Variants in AP1B1 observed in about 807,000 individuals in gnomAD.
AP1B1 encodes AP-1 complex subunit beta-1.
AP1B1 carries 36 observed loss-of-function variants against 104.3 expected under a neutral mutation model. The observed-to-expected ratio is 0.35, with a 90% CI of 0.26 to 0.46. AP1B1 has a LOEUF of 0.46. AP1B1 is among the 20% of genes least tolerant of loss of function. AP1B1 has a pLI of 1.00. For missense variants in AP1B1, 901 were observed against 1,247.9 expected (o/e 0.72, Z 4.19); for synonymous variants, 504 against 517.5 (o/e 0.97, Z 0.35).
intron 8 of AP1B1, 190 bp downstream of exon 8, chr22:29,351,515 A>T: frequency 1.1e-6 from 1 of 881,120 alleles, no homozygotes; most frequent in Non-Finnish European, 1.7e-6. Context: ...GATAACATGG[A>T]GAAACATTCT....
intron 11 of AP1B1, among the ~76,000 whole-genome samples, chr22:29,348,192 T>C (rs906478322): frequency 6.6e-6 from 1 of 152,380 alleles, no homozygotes; most frequent in Non-Finnish European, 1.5e-5. Context: ...TCAAGACTCA[T>C]GGTGCCTTTG....
rs2061684877 is a variant in AP1B1 at position 29,339,606 on chromosome 22, C to A, written c.2019+148G>T. 3 of 820,540 alleles carry A rather than the reference C, an allele frequency of 3.7e-6. No homozygotes were observed. The South Asian group carries it at 5.0e-5, about 14-fold the overall frequency. The allele number at this position is 820,540 out of a possible 1,614,324, so 50.8% of individuals were successfully genotyped here. A position where few individuals can be genotyped will look rare whatever the true frequency, so the allele number is the denominator to read the frequency against. ...GCAGCCGGATGCCAGGTGGTCAAGA[C>A]AGAGGCTGCCAGGATGCTGGACCAA... On this transcript the variant is annotated intron_variant, in intron 15 of 22. Transcript: ENST00000357586.
At chr22:29,381,390 A>G (rs1418958619) in intron 1 of AP1B1, among the ~76,000 whole-genome samples, 1 of 152,134 alleles carries the variant, frequency 6.6e-6, no homozygotes, top group African/African-American at 2.4e-5. Context: ...TTTGTTCACT[A>G]TCATATTCCT....
intron 11 of AP1B1, among the ~76,000 whole-genome samples, chr22:29,345,672 C>T (rs1281615116): frequency 1.3e-5 from 2 of 151,214 alleles, no homozygotes; most frequent in Non-Finnish European, 2.9e-5. Flanking sequence ...ACCCAGTTAA[C>T]AAGTTTTGTT....
At chr22:29,332,195 G>C in intron 17 of AP1B1, 1 of 335,170 alleles carries the variant, frequency 3.0e-6, no homozygotes, top group Non-Finnish European at 5.5e-6. Context: ...CTCTGGGCCA[G>C]GCACTGGTGG....
chr22:29,341,710 C>T lies in AP1B1; in HGVS notation c.1587G>A (p.Leu529=). 1 of 1,613,990 alleles carries T rather than the reference C, an allele frequency of 6.2e-7. No individual in the cohort carries two copies. Among genetic ancestry groups the T allele is most frequent in the East Asian group, 2.2e-5 (1 of 44,878 alleles). ...TGGCTGCCACCGGGTCCGTGGACAGCAGGCGCCAGTAGATGTAGCCACGGT... is the reference window on the plus strand; with the variant it reads ...TGGCTGCCACCGGGTCCGTGGACAGTAGGCGCCAGTAGATGTAGCCACGGT... ...LRDRGYIYWR[L]LSTDPVAAKE... is the part of the protein sequence containing the mutation. Residue 529 remains leucine, a synonymous_variant, in exon 13 of 23, where the codon CTG becomes CTA. Transcript: ENST00000357586.
At position 29,356,620 on chromosome 22, in the gene AP1B1, G is replaced by A. The variant is rs373388539; in HGVS notation, c.526-4C>T. On this transcript the variant is annotated splice_region_variant and splice_polypyrimidine_tract_variant and intron_variant, in intron 5 of 22. Transcript: ENST00000357586. ...CTGCCACTGCATTGGCCACCACCTGGTTGAGAGGGTGGGAGGGGCAGAGGC... is the reference window on the plus strand; with the variant it reads ...CTGCCACTGCATTGGCCACCACCTGATTGAGAGGGTGGGAGGGGCAGAGGC... 4.3e-6 allele frequency: 7 copies of A among 1,613,400 alleles called. No homozygotes were observed. In the African/African-American group the frequency reaches 8.0e-5, roughly 18 times the overall value.
intron 3 of AP1B1, among the ~76,000 whole-genome samples, chr22:29,360,587 C>CT (rs1261837950): frequency 6.6e-6 from 1 of 152,176 alleles, no homozygotes; most frequent in Admixed American, 6.5e-5. Flanking sequence ...ATACACCAGG[C>CT]TTGGTGCTAA....
At chr22:29,336,834 C>G (rs1243562119) in intron 16 of AP1B1, among the ~76,000 whole-genome samples, 2 of 150,962 alleles carry the variant, frequency 1.3e-5, no homozygotes, top group Non-Finnish European at 3.0e-5. Flanking sequence ...GATGAACACA[C>G]AAGCCTAGTG....
intron 16 of AP1B1, 74 bp from the exon 17 acceptor site, chr22:29,334,484 G>C (rs1256150734): frequency 6.7e-6 from 10 of 1,496,410 alleles, no homozygotes; most frequent in African/African-American, 1.4e-5. Flanking sequence ...CCCACCTGAG[G>C]GTGCTTTTTC....
intron 1 of AP1B1, among the ~76,000 whole-genome samples, chr22:29,369,880 C>G (rs1442722478): frequency 9.2e-6 from 1 of 108,328 alleles, no homozygotes; most frequent in Non-Finnish European, 1.9e-5. Context: ...AAGCCATTTT[C>G]TCAAAGAAAC....
chr22:29,348,125 G>C (rs2061819754), intron 11 of AP1B1, among the ~76,000 whole-genome samples: 2 of 151,984 alleles, frequency 1.3e-5, no homozygotes, highest in African/African-American at 4.8e-5. Context: ...CTCACTACTT[G>C]AGCAATCCAT....
At chr22:29,356,726 G>T in intron 5 of AP1B1, 110 bp from the exon 6 acceptor site, 1 of 1,054,632 alleles carries the variant, frequency 9.5e-7, no homozygotes, top group Non-Finnish European at 1.4e-6. Context: ...AAAGGAATAT[G>T]ACCCAATGGG....
In AP1B1 at chr22:29,349,185, A is replaced by G. The variant is rs773620148; in HGVS notation, c.1437+33T>C. 5.0e-6 allele frequency: 8 copies of G among 1,606,214 alleles called. No homozygotes were observed. In the South Asian group the frequency reaches 8.8e-5, roughly 18 times the overall value. ...CCACAGTGGGGCTGAGCTGCCAGTCATGACTCACACCCTGGCCAGCTCGCT... is the reference window on the plus strand; with the variant it reads ...CCACAGTGGGGCTGAGCTGCCAGTCGTGACTCACACCCTGGCCAGCTCGCT... On this transcript the variant is annotated intron_variant, in intron 11 of 22. Transcript: ENST00000357586.
In AP1B1 at chr22:29,354,850, G is replaced by A. The variant is rs768719138; in HGVS notation, c.738C>T (p.Pro246=). Residue 246 remains proline (P), a synonymous_variant, in exon 7 of 23, where the codon CCC becomes CCT. Coordinates refer to ENST00000357586, the MANE Select transcript of AP1B1 (RefSeq NM_001127.4). Reference sequence around the variant, plus strand: ...CAGCGGAGTTGGCATGGGAGAGCCTGGGGGTGACCCGCTCACAGATGCTGG... The same window carrying A: ...CAGCGGAGTTGGCATGGGAGAGCCTAGGGGTGACCCGCTCACAGATGCTGG... ...EAQSICERVT[P]RLSHANSAVV... The A allele has an allele frequency of 6.2e-7, 1 of 1,614,054 alleles. No homozygotes were observed. The highest frequency in any genetic ancestry group is 1.1e-5 in the South Asian group (1 of 91,078).
At chr22:29,360,766 C>T (rs2062032508) in intron 3 of AP1B1, among the ~76,000 whole-genome samples, 1 of 152,220 alleles carries the variant, frequency 6.6e-6, no homozygotes, top group African/African-American at 2.4e-5. Context: ...CAACATGGTA[C>T]CCGTGGTCCC....
At chr22:29,351,876 G>T in intron 7 of AP1B1, 51 bp from the exon 8 acceptor site, 1 of 1,601,886 alleles carries the variant, frequency 6.2e-7, no homozygotes, top group Non-Finnish European at 8.5e-7. Context: ...CTTAAGCCCT[G>T]TGAGAAAATG....
At position 29,350,158 on chromosome 22, in the gene AP1B1, G is replaced by T. The variant is rs777595249; in HGVS notation, c.1156-8C>A. On this transcript the variant is annotated splice_polypyrimidine_tract_variant and splice_region_variant and intron_variant, in intron 9 of 22. Coordinates refer to ENST00000357586, the MANE Select transcript of AP1B1 (RefSeq NM_001127.4). ...ACAGCGCTCCGCAGATTGCTGCATG[G>T]GAAGAGAAGAGTGTGGGCGAGGTCC... 6.0e-5 allele frequency: 96 copies of T among 1,612,642 alleles called. 1 individual carries two copies. The Admixed American group carries it at 1.4e-3, about 23-fold the overall frequency.
chr22:29,365,652 G>T (rs574882523), intron 2 of AP1B1, among the ~76,000 whole-genome samples: 1 of 151,758 alleles, frequency 6.6e-6, no homozygotes, highest in African/African-American at 2.4e-5. Flanking sequence ...TCGAACTCCT[G>T]GGCTCAAGCA....
Sources: gnomAD v4.1 joint callset for allele counts (sites outside exome capture counted in the v4.1 genomes callset) on GRCh38, gnomAD v4.1.1 for gene constraint, MANE v1.5 for transcripts, NCBI Gene and HGNC (gene_info 2026-07-23, HGNC 2026-07-21) for gene names.